Variants in GNA12 observed in about 807,000 individuals in gnomAD.
GNA12 encodes guanine nucleotide-binding protein subunit alpha-12.
A neutral mutation model predicts 26.0 loss-of-function variants in GNA12; 9 were observed. The observed-to-expected ratio is 0.35, with a 90% CI of 0.21 to 0.60. The LOEUF (loss-of-function observed/expected upper bound fraction) is 0.60, where lower values mean the gene tolerates loss of function less well. Among genes scored for constraint, GNA12 ranks in the 20% least tolerant of loss-of-function variants. The pLI, the probability that GNA12 is intolerant of heterozygous loss-of-function variation, is 0.78. For missense variants in GNA12, 405 were observed against 525.8 expected (o/e 0.77, Z 2.25); for synonymous variants, 264 against 219.6 (o/e 1.20, Z -1.79).
chr7:2,835,538 G>T (rs1778813363), intron 1 of GNA12: 1 of 477,722 alleles, frequency 2.1e-6, no homozygotes. Flanking sequence ...GGTTGTATTT[G>T]CCAGGGAATT....
intron 2 of GNA12, among the ~76,000 whole-genome samples, chr7:2,756,280 G>A (rs17339470): frequency 0.19 from 29,605 of 152,006 alleles, 2,962 homozygotes; most frequent in Middle Eastern, 0.22. Flanking sequence ...TGGAGGATCA[G>A]AAAATCAAAA....
intron 1 of GNA12, among the ~76,000 whole-genome samples, chr7:2,819,026 G>A (rs1793287293): frequency 6.6e-6 from 1 of 152,182 alleles, no homozygotes; most frequent in African/African-American, 2.4e-5. Flanking sequence ...AATCAGCTGA[G>A]CTTAAAATAG....
chr7:2,749,851 C>G (rs1790942426), intron 2 of GNA12, among the ~76,000 whole-genome samples: 1 of 151,866 alleles, frequency 6.6e-6, no homozygotes, highest in Non-Finnish European at 1.5e-5. Context: ...AGAGATGACC[C>G]AATGATCCAA....
At chr7:2,783,655 TTTATTTA>T (rs1792286684) in intron 2 of GNA12, among the ~76,000 whole-genome samples, 1 of 46,628 alleles carries the variant, frequency 2.1e-5, no homozygotes, top group Non-Finnish European at 5.4e-5. Flanking sequence ...AACACATTTA[TTTATTTA>T]TTTATTTATT....
At chr7:2,796,145 TAAC>T (rs906533538) in intron 1 of GNA12, among the ~76,000 whole-genome samples, 1 of 152,186 alleles carries the variant, frequency 6.6e-6, no homozygotes, top group East Asian at 1.9e-4. Context: ...AACAATGTTT[TAAC>T]AACAACTATA....
At chr7:2,735,964 T>C (rs754614052) in intron 2 of GNA12, among the ~76,000 whole-genome samples, 2 of 152,216 alleles carry the variant, frequency 1.3e-5, no homozygotes, top group Non-Finnish European at 2.9e-5. Context: ...GCACTCTTGC[T>C]GTCCCTGAGG....
intron 2 of GNA12, among the ~76,000 whole-genome samples, chr7:2,740,320 G>A (rs1370125903): frequency 6.6e-6 from 1 of 152,140 alleles, no homozygotes; most frequent in East Asian, 1.9e-4. Flanking sequence ...TTTGGGAGGT[G>A]ACTGAAGGTA....
intron 1 of GNA12, among the ~76,000 whole-genome samples, chr7:2,813,763 C>T (rs1793142773): frequency 6.6e-6 from 1 of 152,172 alleles, no homozygotes; most frequent in African/African-American, 2.4e-5. Context: ...TGCAAAGACC[C>T]CTTGTCCAGA....
Position 2,813,579 on chromosome 7 carries a change from A to G in GNA12, c.310-18436T>C, listed in dbSNP as rs144292839. ...ATTCCGGGAGAGCTCTCAGGTGGGG[A>G]AAAAAAAACAAACAAACATGCTGGA... On this transcript the variant is annotated intron_variant, in intron 1 of 3. Transcript: ENST00000275364. 1.8e-4 allele frequency among the ~76,000 whole-genome samples: 28 copies of G among 151,440 alleles called. No homozygotes were observed. In the East Asian group the frequency reaches 1.9e-3, roughly 10 times the overall value.
intron 2 of GNA12, among the ~76,000 whole-genome samples, chr7:2,753,672 G>GT (rs1157013279): frequency 2.0e-5 from 3 of 152,206 alleles, no homozygotes; most frequent in Non-Finnish European, 2.9e-5. Context: ...TGGTGTGGAT[G>GT]TAAGTTTCAT....
At chr7:2,801,375 T>C (rs1420276882) in intron 1 of GNA12, among the ~76,000 whole-genome samples, 1 of 152,216 alleles carries the variant, frequency 6.6e-6, no homozygotes, top group Non-Finnish European at 1.5e-5. Flanking sequence ...AGGTAGGACT[T>C]GGAAGGCCAA....
intron 1 of GNA12, 136 bp downstream of exon 1, chr7:2,843,717 G>C: frequency 4.6e-6 from 2 of 435,032 alleles, no homozygotes; most frequent in Non-Finnish European, 8.1e-6. Context: ...GGGGGAGTGG[G>C]GTGCAGGCGG....
intron 2 of GNA12, among the ~76,000 whole-genome samples, chr7:2,773,396 C>G (rs1363165360): frequency 6.6e-6 from 1 of 152,200 alleles, no homozygotes; most frequent in Non-Finnish European, 1.5e-5. Context: ...AACCCCTTCT[C>G]TACTAAAATA....
rs145800737 is a variant in GNA12, at chr7:2,769,712, G to C, written c.525+25216C>G. ...CGCACCACCGCACTCCAGCCTGGGT[G>C]AGAGAGTGAGACTCTGTCTCAGAAA... On this transcript the variant is annotated intron_variant, in intron 2 of 3. Coordinates refer to ENST00000275364, the MANE Select transcript of GNA12 (RefSeq NM_007353.3). Among the ~76,000 whole-genome samples the C allele has an allele frequency of 3.4e-4, 51 of 152,224 alleles. No individual in the cohort carries two copies. In the East Asian group the frequency reaches 8.1e-3, roughly 24 times the overall value.
rs376226502 is a variant in GNA12 at position 2,763,165 on chromosome 7, G to A, written c.526-29664C>T. 4.1e-5 allele frequency: 44 copies of A among 1,084,808 alleles called. No homozygotes were observed. In the South Asian group the frequency reaches 1.6e-3, roughly 40 times the overall value. 67.2% of individuals were successfully genotyped at this position (1,084,808 alleles called of 1,614,324 possible). A position where few individuals can be genotyped will look rare whatever the true frequency, so the allele number is the denominator to read the frequency against. ...TTCTCGAATATTCTGCTGACAAGAG[G>A]TTAGCAGGACTTCACAAGACACCCC... On this transcript the variant is annotated intron_variant, in intron 2 of 3. Transcript: ENST00000275364.
intron 1 of GNA12, chr7:2,814,360 TC>T: frequency 6.2e-7 from 1 of 1,603,588 alleles, no homozygotes; most frequent in Non-Finnish European, 8.5e-7. Flanking sequence ...GGCAGCACTT[TC>T]GGTTTCCATC....
At chr7:2,761,550 G>C (rs573157569) in intron 2 of GNA12, among the ~76,000 whole-genome samples, 16 of 152,330 alleles carry the variant, frequency 1.1e-4, no homozygotes, top group Admixed American at 9.2e-4. Flanking sequence ...TCGCCCTCCA[G>C]AATTGTCACT....
chr7:2,781,385 G>T (rs1439217399), intron 2 of GNA12, among the ~76,000 whole-genome samples: 1 of 146,552 alleles, frequency 6.8e-6, no homozygotes, highest in East Asian at 2.0e-4. Flanking sequence ...TTCAAATTTG[G>T]TCTCTAATCC....
chr7:2,807,530 C>G (rs1792977952), intron 1 of GNA12, among the ~76,000 whole-genome samples: 1 of 151,340 alleles, frequency 6.6e-6, no homozygotes, highest in South Asian at 2.1e-4. Flanking sequence ...TAATTACTGT[C>G]TCCATAAACA....
Sources: allele counts gnomAD v4.1 joint callset (sites outside exome capture counted in the v4.1 genomes callset), GRCh38; gene constraint gnomAD v4.1.1; transcripts MANE v1.5; gene names NCBI Gene and HGNC (gene_info 2026-07-23, HGNC 2026-07-21).